The following PAH variants were observed in gnomAD, a reference collection of about 807,000 sequenced individuals.
The protein encoded by PAH is phenylalanine hydroxylase.
Under a neutral mutation model 62.0 loss-of-function variants are expected in PAH, and 64 were observed. The ratio of observed to expected loss-of-function variants is 1.03; its 90% confidence interval spans 0.84 to 1.27. PAH has a LOEUF of 1.27. PAH is among the 50% of genes most tolerant of loss of function. PAH has a pLI of 0.00. For synonymous variants in PAH, 195 were observed against 196.2 expected, an observed-to-expected ratio of 0.99 and a Z score of 0.05; for missense variants, 579 against 542.8, an observed-to-expected ratio of 1.07 and a Z score of -0.66.
At chr12:102,904,854 T>G (rs1256892890) in intron 2 of PAH, 1 of 324,578 alleles carries the variant, frequency 3.1e-6, no homozygotes, top group Non-Finnish European at 6.3e-6. Context: ...CCAAGCTACT[T>G]TTCTTCTGGC....
chr12:102,926,973 G>T (rs1205701164), intron 1 of PAH, among the ~76,000 whole-genome samples: 1 of 148,062 alleles, frequency 6.8e-6, no homozygotes, highest in Non-Finnish European at 1.5e-5. Flanking sequence ...TGGGTGGGTG[G>T]GTTGCTAAAC....
chr12:102,942,921 T>C (rs1305356131), intron 1 of PAH, among the ~76,000 whole-genome samples: 2 of 152,054 alleles, frequency 1.3e-5, no homozygotes, highest in African/African-American at 2.4e-5. Context: ...CAACTCAAGA[T>C]GATTAAAAGA....
chr12:102,928,615 C>T (rs967368177), intron 1 of PAH, among the ~76,000 whole-genome samples: 6 of 152,158 alleles, frequency 3.9e-5, no homozygotes, highest in African/African-American at 7.2e-5. Context: ...TTGGAGACTG[C>T]AGTCACTACT....
intron 1 of PAH, among the ~76,000 whole-genome samples, chr12:102,922,592 G>T (rs572041170): frequency 6.6e-6 from 1 of 152,184 alleles, no homozygotes; most frequent in African/African-American, 2.4e-5. Context: ...TGGCTCCATT[G>T]TATTTTTATG....
chr12:102,909,583 G>T (rs188801585), intron 2 of PAH, among the ~76,000 whole-genome samples: 170 of 152,176 alleles, frequency 1.1e-3, no homozygotes, highest in African/African-American at 3.9e-3. Context: ...AAATTATTTG[G>T]AACTCTAAAT....
chr12:102,942,088 A>G (rs2136763453), intron 1 of PAH, among the ~76,000 whole-genome samples: 1 of 152,284 alleles, frequency 6.6e-6, no homozygotes, highest in East Asian at 1.9e-4. Flanking sequence ...CAGGCAAGAG[A>G]AAGAAATAAA....
At chr12:102,932,856 G>C (rs1878936189) in intron 1 of PAH, among the ~76,000 whole-genome samples, 2 of 152,000 alleles carry the variant, frequency 1.3e-5, no homozygotes, top group Non-Finnish European at 2.9e-5. Flanking sequence ...TATATTTATG[G>C]AGTACATAAG....
At chr12:102,881,657 T>C (rs1377045882) in intron 3 of PAH, among the ~76,000 whole-genome samples, 1 of 152,222 alleles carries the variant, frequency 6.6e-6, no homozygotes, top group East Asian at 1.9e-4. Flanking sequence ...TTCTACTCTC[T>C]GCTTCTATAA....
intron 3 of PAH, among the ~76,000 whole-genome samples, chr12:102,883,636 C>A (rs552384180): frequency 6.6e-6 from 1 of 152,304 alleles, no homozygotes; most frequent in South Asian, 2.1e-4. Flanking sequence ...GACCTCTGAG[C>A]TCTGCACCTT....
upstream of PAH, chr12:102,958,427 G>C: frequency 6.5e-7 from 1 of 1,548,524 alleles, no homozygotes; most frequent in Non-Finnish European, 8.7e-7. Context: ...AGCAGCAGCA[G>C]CAGGCGCCGC....
intron 1 of PAH, among the ~76,000 whole-genome samples, chr12:102,933,259 T>C (rs1365553967): frequency 6.6e-6 from 1 of 152,222 alleles, no homozygotes; most frequent in Non-Finnish European, 1.5e-5. Flanking sequence ...TTATTTCGTT[T>C]AACATAATGA....
At chr12:102,883,369 AG>A (rs1462445913) in intron 3 of PAH, among the ~76,000 whole-genome samples, 2 of 152,174 alleles carry the variant, frequency 1.3e-5, no homozygotes, top group Non-Finnish European at 2.9e-5. Context: ...AGGGCTGTGC[AG>A]GCTGGCTGGC....
At chr12:102,910,943 C>G (rs1199793325) in intron 2 of PAH, among the ~76,000 whole-genome samples, 2 of 152,176 alleles carry the variant, frequency 1.3e-5, no homozygotes, top group African/African-American at 4.8e-5. Flanking sequence ...TCTGCTGCCA[C>G]TCTCCGCCAA....
At chr12:102,860,642 A>G (rs1236337892) in intron 5 of PAH, among the ~76,000 whole-genome samples, 7 of 152,214 alleles carry the variant, frequency 4.6e-5, no homozygotes, top group Admixed American at 1.3e-4. Flanking sequence ...AGAGGTATAC[A>G]CCAATGGAAC....
At chr12:102,865,319 C>A (rs1331789108) in intron 5 of PAH, among the ~76,000 whole-genome samples, 3 of 152,078 alleles carry the variant, frequency 2.0e-5, no homozygotes, top group Non-Finnish European at 4.4e-5. Flanking sequence ...AGAAGAGTGG[C>A]TAAAAATACC....
intron 8 of PAH, among the ~76,000 whole-genome samples, chr12:102,851,206 G>A (rs752017043): frequency 6.6e-6 from 1 of 152,108 alleles, no homozygotes; most frequent in East Asian, 1.9e-4. Context: ...ATGGTGATAA[G>A]ATATTCAGCT....
rs1879946018 is a variant in PAH, at chr12:102,957,337, C to G, written c.-96+858G>C. 2.6e-5 allele frequency among the ~76,000 whole-genome samples: 4 copies of G among 152,164 alleles called. No individual in the cohort carries two copies. The highest frequency in any genetic ancestry group is 2.6e-4 in the Admixed American group (4 of 15,284). On this transcript the variant is annotated intron_variant, in intron 1 of 4. Transcript: ENST00000551337. The surrounding 1 kb of genome is among the most constrained non-coding windows in gnomAD (Gnocchi z 4.1). ...CCATTTGTCCCTCCTGTGACGCCCC[C>G]CACCCCCTTCCTAAAGCCACCCCCG...
intron 2 of PAH, among the ~76,000 whole-genome samples, chr12:102,908,385 C>G (rs1266145180): frequency 6.6e-6 from 1 of 152,186 alleles, no homozygotes; most frequent in African/African-American, 2.4e-5. Flanking sequence ...GGGGCAACCT[C>G]TCAAGGAGAA....
intron 5 of PAH, among the ~76,000 whole-genome samples, chr12:102,862,399 G>T (rs1445294051): frequency 2.6e-5 from 4 of 152,072 alleles, no homozygotes; most frequent in Non-Finnish European, 5.9e-5. Context: ...TCTAATGAAG[G>T]GTGGAGGGTG....
Sources: allele counts gnomAD v4.1 joint callset (sites outside exome capture counted in the v4.1 genomes callset), GRCh38; gene constraint gnomAD v4.1.1; non-coding constraint Gnocchi (gnomAD v3.1); transcripts MANE v1.5; gene names NCBI Gene and HGNC (gene_info 2026-07-23, HGNC 2026-07-21).